The following SIN3A variants were observed in gnomAD, a reference collection of about 807,000 sequenced individuals.
The protein encoded by SIN3A is paired amphipathic helix protein Sin3a.
In SIN3A, 14 loss-of-function variants were observed where a neutral mutation model predicts 146.1. The observed-to-expected ratio is 0.10, with a 90% confidence interval of 0.06 to 0.15. SIN3A has a LOEUF of 0.15. Among genes scored for constraint, SIN3A ranks in the 10% least tolerant of loss-of-function variants. The pLI, the probability that SIN3A is intolerant of heterozygous loss-of-function variation, is 1.00. For missense variants in SIN3A, 1,028 were observed against 1,576.0 expected (o/e 0.65, Z 5.89); for synonymous variants, 572 against 572.0 (o/e 1.00, Z 0.00).
At chr15:75,423,375 T>G (rs2073872340) in intron 2 of SIN3A, among the ~76,000 whole-genome samples, 1 of 152,160 alleles carries the variant, frequency 6.6e-6, no homozygotes, top group South Asian at 2.1e-4. Flanking sequence ...ACAAAATTAT[T>G]TGTAGCTATT....
intron 17 of SIN3A, among the ~76,000 whole-genome samples, chr15:75,383,328 T>A (rs560444318): frequency 1.3e-5 from 2 of 150,368 alleles, no homozygotes; most frequent in South Asian, 4.2e-4. Flanking sequence ...TCTTTCAAAA[T>A]ATATACTCAA....
intron 16 of SIN3A, chr15:75,388,264 TG>T (rs2073129995): frequency 6.6e-6 from 1 of 152,296 alleles, no homozygotes; most frequent in Admixed American, 6.5e-5. Context: ...GGTACCCAGG[TG>T]GAACAGCATG....
At position 75,409,852 on chromosome 15, in the gene SIN3A, G is replaced by C; in HGVS notation, c.1301C>G (p.Thr434Ser). ...CATTCTCACCTTAACTGGAGGGGTG[G>C]TTCCTGTAGGATGTCTGCGGATCTG... is the stretch of plus-strand genomic sequence containing the variant. ...GCQIRRHPTG[T>S]TPPVKKKPKL... The change falls in exon 8 of 21, where the codon ACC becomes AGC. Residue 434 changes from threonine to serine, a missense_variant. Transcript: ENST00000394947. The C allele has an allele frequency of 6.2e-7, 1 of 1,612,652 alleles. No individual in the cohort carries two copies. Among genetic ancestry groups the C allele is most frequent in the South Asian group, 1.1e-5 (1 of 91,012 alleles).
intron 16 of SIN3A, among the ~76,000 whole-genome samples, chr15:75,384,740 A>C (rs887189375): frequency 6.6e-6 from 1 of 152,100 alleles, no homozygotes; most frequent in African/African-American, 2.4e-5. Context: ...AGCATCTTTA[A>C]ATAATTTTCT....
chr15:75,399,599 G>A (rs529207126), intron 12 of SIN3A, among the ~76,000 whole-genome samples: 1 of 152,204 alleles, frequency 6.6e-6, no homozygotes, highest in South Asian at 2.1e-4. Flanking sequence ...AAACATGAAA[G>A]AAAAATGCCA....
In SIN3A at chr15:75,418,752, T is replaced by TTTTTTG. The variant is rs558451749; in HGVS notation, c.366+3889_366+3894dup. Among the ~76,000 whole-genome samples, 168 of 151,922 alleles carry TTTTTTG rather than the reference T, an allele frequency of 1.1e-3. 1 individual carries two copies. The highest frequency in any genetic ancestry group is 3.5e-3 in the African/African-American group (144 of 41,444). Reference sequence around the variant, plus strand: ...CTAATGGATTGAGACAAATGGCCGCTTTTTTGTTTTTGTTTTTTTTGAGAC... The same window carrying TTTTTTG: ...CTAATGGATTGAGACAAATGGCCGCTTTTTTGTTTTTGTTTTTGTTTTTTTTGAGAC... On this transcript the variant is annotated intron_variant, in intron 3 of 20. Transcript: ENST00000394947.
chr15:75,423,030 T>C (rs2073865483), intron 2 of SIN3A, among the ~76,000 whole-genome samples: 1 of 152,196 alleles, frequency 6.6e-6, no homozygotes, highest in East Asian at 1.9e-4. Flanking sequence ...ATCATGCCAC[T>C]GCATTCCAGC....
chr15:75,396,487 C>T lies in SIN3A; in HGVS notation c.1864G>A (p.Val622Ile). ...CEDERFELDV[V>I]LETNLATIRV... ...ATTGTTGCCAGATTGGTCTCTAAAA[C>T]TACATCAAGCTGAAGAGGAAGACAA... The change falls in exon 13 of 21, where the codon GTT (valine) becomes ATT (isoleucine). Residue 622 changes from valine to isoleucine, a missense_variant. This residue lies in a region of SIN3A where 157 missense variants were observed against 284.8 expected (regional missense o/e 0.55). Coordinates refer to ENST00000394947, the MANE Select transcript of SIN3A (RefSeq NM_001145358.2). 1.2e-6 allele frequency: 2 copies of T among 1,610,574 alleles called. No individual in the cohort carries two copies. Among genetic ancestry groups the T allele is most frequent in the Middle Eastern group, 3.3e-4 (2 of 6,050 alleles).
At chr15:75,409,445 A>G (rs2073584306) in intron 8 of SIN3A, among the ~76,000 whole-genome samples, 1 of 152,010 alleles carries the variant, frequency 6.6e-6, no homozygotes, top group Non-Finnish European at 1.5e-5. Flanking sequence ...AACACACTTA[A>G]GAACACATGA....
chr15:75,430,163 G>A (rs754753912), intron 2 of SIN3A, 24 bp downstream of exon 2: 1 of 1,577,156 alleles, frequency 6.3e-7, no homozygotes, highest in South Asian at 1.1e-5. Flanking sequence ...CCTCATTCTA[G>A]TCCCTTGGTT....
At chr15:75,428,287 G>A (rs1394738080) in intron 2 of SIN3A, among the ~76,000 whole-genome samples, 4 of 152,116 alleles carry the variant, frequency 2.6e-5, no homozygotes, top group Non-Finnish European at 5.9e-5. Context: ...GTAAACCAAC[G>A]ATGGTAGACC....
At chr15:75,429,155 C>T (rs1423661548) in intron 2 of SIN3A, among the ~76,000 whole-genome samples, 1 of 152,154 alleles carries the variant, frequency 6.6e-6, no homozygotes, top group Non-Finnish European at 1.5e-5. Flanking sequence ...CGCAGTGGCT[C>T]AGACTTGTAA....
At chr15:75,380,879 G>A (rs1158272313) in intron 18 of SIN3A, 156 bp from the exon 19 acceptor site, 2 of 589,320 alleles carry the variant, frequency 3.4e-6, no homozygotes, top group Non-Finnish European at 6.2e-6. Flanking sequence ...TTGTTAGTAG[G>A]TATTGGAACA....
At chr15:75,412,683 CT>C in intron 5 of SIN3A, 79 bp downstream of exon 5, 3 of 1,355,724 alleles carry the variant, frequency 2.2e-6, no homozygotes, top group Non-Finnish European at 3.0e-6. Flanking sequence ...GTATCTAAGT[CT>C]TATATAAAGG....
intron 2 of SIN3A, among the ~76,000 whole-genome samples, chr15:75,425,813 T>TA (rs2073914673): frequency 6.6e-6 from 1 of 152,224 alleles, no homozygotes; most frequent in South Asian, 2.1e-4. Flanking sequence ...TAAACAATGT[T>TA]AAGTTTTATA....
intron 2 of SIN3A, among the ~76,000 whole-genome samples, chr15:75,429,149 G>A (rs2073973063): frequency 6.6e-6 from 1 of 152,216 alleles, no homozygotes; most frequent in African/African-American, 2.4e-5. Context: ...GCCAGACGCA[G>A]TGGCTCAGAC....
chr15:75,383,469 G>C (rs2073015262), intron 17 of SIN3A, among the ~76,000 whole-genome samples: 1 of 151,632 alleles, frequency 6.6e-6, no homozygotes, highest in African/African-American at 2.4e-5. Context: ...TGTCACCCAG[G>C]CTGGGGTGCA....
At chr15:75,373,700 T>C (rs933068549) in intron 20 of SIN3A, among the ~76,000 whole-genome samples, 1 of 150,946 alleles carries the variant, frequency 6.6e-6, no homozygotes, top group Non-Finnish European at 1.5e-5. Flanking sequence ...GTTTGAACCC[T>C]TGAGTTTGAG....
chr15:75,374,224 G>A (rs915513692), intron 20 of SIN3A, among the ~76,000 whole-genome samples: 31 of 151,924 alleles, frequency 2.0e-4, no homozygotes, highest in African/African-American at 7.5e-4. Flanking sequence ...ATCTGGGCGT[G>A]GTGGCTCACG....
Sources: gnomAD v4.1 joint callset for allele counts (sites outside exome capture counted in the v4.1 genomes callset) on GRCh38, gnomAD v4.1.1 for gene constraint, gnomAD v4.1.1 regional missense constraint, MANE v1.5 for transcripts, NCBI Gene and HGNC (gene_info 2026-07-23, HGNC 2026-07-21) for gene names.